The following BICRAL variants were observed in gnomAD, a reference collection of about 807,000 sequenced individuals.
BICRAL encodes BICRA like chromatin remodeling complex associated protein.
Under a neutral mutation model 91.8 loss-of-function variants are expected in BICRAL, and 8 were observed. That is an observed-to-expected ratio of 0.09 (90% confidence interval 0.05 to 0.16). The LOEUF (loss-of-function observed/expected upper bound fraction) is 0.16, where lower values mean the gene tolerates loss of function less well. Ranked by LOEUF, BICRAL falls within the 10% of genes least tolerant of loss-of-function variation. The pLI, the probability that BICRAL is intolerant of heterozygous loss-of-function variation, is 1.00. For missense variants in BICRAL, 1,038 were observed against 1,310.9 expected (o/e 0.79, Z 3.21); for synonymous variants, 445 against 491.1 (o/e 0.91, Z 1.24).
chr6:42,766,456 A>G (rs918843286), intron 1 of BICRAL, among the ~76,000 whole-genome samples: 5 of 152,232 alleles, frequency 3.3e-5, no homozygotes, highest in Admixed American at 6.5e-5. Context: ...CAAACTGGCT[A>G]ACTGGGGAAT....
intron 1 of BICRAL, among the ~76,000 whole-genome samples, chr6:42,786,249 A>G (rs979607567): frequency 6.6e-6 from 1 of 152,192 alleles, no homozygotes; most frequent in Non-Finnish European, 1.5e-5. Flanking sequence ...TTTGATGCAG[A>G]TGTCAGAATT....
At chr6:42,754,481 T>C (rs538337873) in intron 1 of BICRAL, among the ~76,000 whole-genome samples, 1 of 152,348 alleles carries the variant, frequency 6.6e-6, no homozygotes, top group South Asian at 2.1e-4. Context: ...ATAGACTTTT[T>C]GACGTCAACT....
At chr6:42,808,318 A>G (rs529493571) in intron 1 of BICRAL, among the ~76,000 whole-genome samples, 1 of 151,734 alleles carries the variant, frequency 6.6e-6, no homozygotes, top group East Asian at 1.9e-4. Context: ...TTTAGTAGAG[A>G]TGGGGTTTCT....
At chr6:42,754,624 G>A (rs1762433449) in intron 1 of BICRAL, among the ~76,000 whole-genome samples, 1 of 152,236 alleles carries the variant, frequency 6.6e-6, no homozygotes. Context: ...GGGCATGGCA[G>A]TTCATGCCTG....
At chr6:42,790,283 C>A (rs897146262) in intron 1 of BICRAL, among the ~76,000 whole-genome samples, 1 of 151,684 alleles carries the variant, frequency 6.6e-6, no homozygotes, top group Non-Finnish European at 1.5e-5. Flanking sequence ...CTCAGCCTCC[C>A]AAGTAGCTGG....
chr6:42,854,710 A>G (rs1439287616), intron 8 of BICRAL, among the ~76,000 whole-genome samples: 2 of 151,102 alleles, frequency 1.3e-5, no homozygotes, highest in Non-Finnish European at 2.9e-5. Flanking sequence ...TTTAAGAGAA[A>G]ACGTTTTGCC....
chr6:42,843,728 C>T (rs1764883313), intron 6 of BICRAL, among the ~76,000 whole-genome samples: 1 of 151,824 alleles, frequency 6.6e-6, no homozygotes, highest in Non-Finnish European at 1.5e-5. Context: ...TTATATGATA[C>T]ACGGCTATAT....
intron 1 of BICRAL, among the ~76,000 whole-genome samples, chr6:42,763,450 A>G (rs935111494): frequency 2.0e-5 from 3 of 152,246 alleles, no homozygotes; most frequent in Non-Finnish European, 4.4e-5. Context: ...TCTTCTGCCT[A>G]GAATTTTTAA....
chr6:42,855,655 T>C (rs890097651), intron 8 of BICRAL, among the ~76,000 whole-genome samples: 4 of 152,042 alleles, frequency 2.6e-5, no homozygotes, highest in African/African-American at 9.7e-5. Context: ...CACCTTTCTG[T>C]AATCTTAACA....
At chr6:42,861,162 A>T (rs1418218119) in intron 11 of BICRAL, among the ~76,000 whole-genome samples, 1 of 152,040 alleles carries the variant, frequency 6.6e-6, no homozygotes, top group Non-Finnish European at 1.5e-5. Context: ...AAAATAATGG[A>T]TCACCTGAGG....
chr6:42,772,239 A>C (rs934045151), intron 1 of BICRAL, among the ~76,000 whole-genome samples: 5 of 152,050 alleles, frequency 3.3e-5, no homozygotes, highest in African/African-American at 1.2e-4. Context: ...TTTTTCAAAA[A>C]CCTTTGTTTC....
chr6:42,788,222 C>CTTT (rs11304715), intron 1 of BICRAL, among the ~76,000 whole-genome samples: 26 of 113,344 alleles, frequency 2.3e-4, no homozygotes, highest in African/African-American at 5.1e-4. Context: ...GAGCAGCATT[C>CTTT]TTTTTTTTTT....
rs147458651 is a variant in BICRAL, at chr6:42,761,639, G to A, written c.-261+14616G>A. ...TATTTACTTCTTGGCTGGGCACAGT[G>A]GCTCATACTTGTAGTCCCAGAACTT... On this transcript the variant is annotated intron_variant, in intron 1 of 14. Transcript: ENST00000614467. Among the ~76,000 whole-genome samples the A allele has an allele frequency of 5.7e-4, 87 of 152,190 alleles. 3 individuals carry two copies. Among genetic ancestry groups the A allele is most frequent in the Non-Finnish European group, 7.6e-4 (52 of 68,004 alleles).
intron 1 of BICRAL, among the ~76,000 whole-genome samples, chr6:42,804,454 A>G (rs1010104558): frequency 6.6e-6 from 1 of 152,216 alleles, no homozygotes. Context: ...GGATATGAAT[A>G]AGTGAATAAT....
chr6:42,750,955 ACAT>A (rs1403669366), intron 1 of BICRAL, among the ~76,000 whole-genome samples: 2 of 126,884 alleles, frequency 1.6e-5, no homozygotes, highest in Non-Finnish European at 3.1e-5. Context: ...CAGTTTTGTT[ACAT>A]CGGTATACAT....
Position 42,766,822 on chromosome 6 carries a change from T to C in BICRAL, c.-260-15017T>C, listed in dbSNP as rs531971589. Among the ~76,000 whole-genome samples, 571 of 152,150 alleles carry C rather than the reference T, an allele frequency of 3.8e-3. 5 individuals are homozygous for C. The highest frequency in any genetic ancestry group is 6.4e-3 in the Non-Finnish European group (438 of 67,986). On this transcript the variant is annotated intron_variant, in intron 1 of 14. Coordinates refer to the BICRAL transcript ENST00000614467. ...TTGGGAGGCCAAGGCGGGCGGATCA[T>C]GAGGTCAGGAGATCGAGACCATCCT... is the stretch of plus-strand genomic sequence containing the variant.
chr6:42,779,412 TA>T (rs1762853720), upstream of BICRAL, among the ~76,000 whole-genome samples: 1 of 152,126 alleles, frequency 6.6e-6, no homozygotes, highest in African/African-American at 2.4e-5. Context: ...AAAGGCAACT[TA>T]AAACATGTTT....
At chr6:42,789,666 C>T (rs541815180) in intron 1 of BICRAL, among the ~76,000 whole-genome samples, 1 of 150,370 alleles carries the variant, frequency 6.7e-6, no homozygotes, top group South Asian at 2.1e-4. Context: ...AGAATGAACA[C>T]TTAAATATTT....
intron 6 of BICRAL, among the ~76,000 whole-genome samples, chr6:42,844,093 C>T (rs568956173): frequency 1.3e-4 from 20 of 150,114 alleles, no homozygotes; most frequent in South Asian, 1.3e-3. Context: ...TGAGCCACCG[C>T]GCCTGGCCAG....
Sources: allele counts gnomAD v4.1 joint callset (sites outside exome capture counted in the v4.1 genomes callset), GRCh38; gene constraint gnomAD v4.1.1; transcripts MANE v1.5; gene names NCBI Gene and HGNC (gene_info 2026-07-23, HGNC 2026-07-21).